The following RNF183 variants were observed in gnomAD, a reference collection of about 807,000 sequenced individuals.
RNF183 encodes ring finger protein 183, also known as E3 ubiquitin-protein ligase RNF183.
RNF183 carries 4 observed loss-of-function variants against 9.0 expected under a neutral mutation model. The ratio of observed to expected loss-of-function variants is 0.44; its 90% CI spans 0.22 to 1.01. The LOEUF (loss-of-function observed/expected upper bound fraction) is 1.01, where lower values mean the gene tolerates loss of function less well. RNF183 is among the 50% of genes least tolerant of loss of function. The pLI, the probability that RNF183 is intolerant of heterozygous loss-of-function variation, is 0.25. For synonymous variants in RNF183, 102 were observed against 107.5 expected (o/e 0.95, Z 0.32); for missense variants, 227 against 253.6 (o/e 0.89, Z 0.71).
Position 113,297,605 on chromosome 9 carries a change from C to T in RNF183, c.*1G>A, listed in dbSNP as rs1163203780. The stretch of plus-strand genomic sequence containing the variant: ...TTTGGTTTCTTGTCTGGGAACAGCA[C>T]TCACCCCACACCCCAAAGGAACTGC... On this transcript the variant is annotated 3_prime_UTR_variant, in exon 5 of 5. Transcript: ENST00000489339. 3 of 1,580,844 alleles carry T rather than the reference C, an allele frequency of 1.9e-6. No homozygotes were observed. Among genetic ancestry groups the T allele is most frequent in the South Asian group, 2.3e-5 (2 of 86,018 alleles).
rs964085277 is a variant in RNF183 at position 113,297,506 on chromosome 9, TAAAC to T, written c.*96_*99del. 46 of 759,900 alleles carry T rather than the reference TAAAC, an allele frequency of 6.1e-5. 1 individual carries two copies. In the African/African-American group the frequency reaches 7.6e-4, roughly 13 times the overall value. The allele number at this position is 759,900 out of a possible 1,614,324, so 47.1% of individuals were successfully genotyped here. ...CCTGAACAATCCCTGGATTGTAAAA[TAAAC>T]AACACTACAAAGGAAGACAATACCA... On this transcript the variant is annotated 3_prime_UTR_variant, in exon 5 of 5. Transcript: ENST00000489339.
Position 113,297,301 on chromosome 9 carries a change from C to T in RNF183, c.*305G>A, listed in dbSNP as rs1179111098. On this transcript the variant is annotated 3_prime_UTR_variant, in exon 5 of 5. Coordinates refer to ENST00000489339, the MANE Select transcript of RNF183 (RefSeq NM_001371237.1). ...ACTTGCTATTTGGGCTAGTCAGGTT[C>T]CTGGATACCACTGTGCAGCCCTTTG... 2.0e-5 allele frequency: 4 copies of T among 204,758 alleles called. No homozygotes were observed. The highest frequency in any genetic ancestry group is 1.2e-4 in the Admixed American group (2 of 16,790). 12.7% of individuals were successfully genotyped at this position (204,758 alleles called of 1,614,324 possible).
rs41305615 is a variant in RNF183 at position 113,298,821 on chromosome 9, G to A, written c.-37-600C>T. The A allele has an allele frequency of 6.2e-4, 95 of 153,406 alleles. 1 individual carries two copies. Among genetic ancestry groups the A allele is most frequent in the Non-Finnish European group, 1.1e-3 (73 of 68,944 alleles). The allele number at this position is 153,406 out of a possible 1,614,324, so 9.5% of individuals were successfully genotyped here. ...CTGGAAGCCTTGCAGAAGCTTCCCTGCCCCAGTCCCCAGATCAGCCCTTCC... is the reference window on the plus strand; with the variant it reads ...CTGGAAGCCTTGCAGAAGCTTCCCTACCCCAGTCCCCAGATCAGCCCTTCC... On this transcript the variant is annotated intron_variant, in intron 4 of 4. Transcript: ENST00000489339. This position sits in a 1 kb window ranked among gnomAD's most constrained non-coding sequence, Gnocchi z 4.9.
Position 113,297,444 on chromosome 9 carries a change from T to C in RNF183, c.*162A>G, listed in dbSNP as rs761285240. 6 of 524,748 alleles carry C rather than the reference T, an allele frequency of 1.1e-5. No individual in the cohort carries two copies. The highest frequency in any genetic ancestry group is 2.0e-5 in the Non-Finnish European group (6 of 303,084). The allele number at this position is 524,748 out of a possible 1,614,324, so 32.5% of individuals were successfully genotyped here. A position where few individuals can be genotyped will look rare whatever the true frequency, so the allele number is the denominator to read the frequency against. On this transcript the variant is annotated 3_prime_UTR_variant, in exon 5 of 5. Coordinates refer to ENST00000489339, the MANE Select transcript of RNF183 (RefSeq NM_001371237.1). ...GTCCTTCAAGCTTTTCGTTTTTTTG[T>C]TTTTTTTTAAAATTGTTCCCAGAAG...
intron 1 of RNF183, among the ~76,000 whole-genome samples, 199 bp downstream of exon 1, chr9:113,302,857 A>C (rs1346917088): frequency 2.0e-5 from 3 of 152,228 alleles, no homozygotes; most frequent in African/African-American, 7.2e-5. Context: ...CCCATTTTCT[A>C]GATGGGGAAG....
rs759904480 is a variant in RNF183 at position 113,297,916 on chromosome 9, T to C, written c.269A>G (p.His90Arg). 7 of 1,613,500 alleles carry C rather than the reference T, an allele frequency of 4.3e-6. No homozygotes were observed. In the East Asian group the frequency reaches 1.3e-4, roughly 31 times the overall value. ...MLALLRLEPH[H>R]VILEGHQLCL... ...CAGCTGATGGCCTTCCAGGATGACATGGTGGGGCTCCAGGCGGAGCAGGGC... is the reference window on the plus strand; with the variant it reads ...CAGCTGATGGCCTTCCAGGATGACACGGTGGGGCTCCAGGCGGAGCAGGGC... The change falls in exon 5 of 5, where the codon CAT (histidine) becomes CGT (arginine). Residue 90 changes from histidine (H) to arginine (R), a missense_variant. Transcript: ENST00000489339.
At chr9:113,300,865 G>T (rs180985985) in intron 3 of RNF183, among the ~76,000 whole-genome samples, 1 of 152,306 alleles carries the variant, frequency 6.6e-6, no homozygotes, top group East Asian at 1.9e-4. Context: ...AGGACAGGCT[G>T]AGAGGGATAA....
chr9:113,300,569 G>T (rs1832886882), intron 3 of RNF183, among the ~76,000 whole-genome samples: 1 of 152,200 alleles, frequency 6.6e-6, no homozygotes, highest in Admixed American at 6.5e-5. Context: ...GAAGAGCTGA[G>T]ACCAAAGTAT....
Position 113,297,420 on chromosome 9 carries a change from T to TC in RNF183, c.*185dup. On this transcript the variant is annotated 3_prime_UTR_variant, in exon 5 of 5. Transcript: ENST00000489339. ...CCGGAGGTCGCTCCACATCTCCCAGTCCTTCAAGCTTTTCGTTTTTTTGTT... is the reference window on the plus strand; with the variant it reads ...CCGGAGGTCGCTCCACATCTCCCAGTCCCTTCAAGCTTTTCGTTTTTTTGTT... 2.1e-6 allele frequency: 1 copy of TC among 483,346 alleles called. No individual in the cohort carries two copies. The highest frequency in any genetic ancestry group is 3.7e-6 in the Non-Finnish European group (1 of 269,828). 29.9% of individuals were successfully genotyped at this position (483,346 alleles called of 1,614,324 possible).
At position 113,298,030 on chromosome 9, in the gene RNF183, C is replaced by T. The variant is rs746654594; in HGVS notation, c.155G>A (p.Arg52His). The T allele has an allele frequency of 2.0e-5, 33 of 1,613,830 alleles. No homozygotes were observed. The highest frequency in any genetic ancestry group is 2.5e-5 in the Non-Finnish European group (30 of 1,180,030). Residue 52 changes from arginine to histidine, a missense_variant, in exon 5 of 5, where the codon CGC (arginine) becomes CAC (histidine). By Grantham distance (29) the Arg-to-His change is conservative. Transcript: ENST00000489339. This position sits in a 1 kb window ranked among gnomAD's most constrained non-coding sequence, Gnocchi z 4.9. ...GCGACAGAGTGGGCACAGCAGGCGG[C>T]GCCGGGCTGGAGTCACAAGGCTGAG... is the stretch of plus-strand genomic sequence containing the variant. ...AHLSLVTPAR[R>H]RLLCPLCRQP...
rs1832745810 is a variant in RNF183, at chr9:113,297,213, A to G, written c.*393T>C. The G allele has an allele frequency of 6.6e-6, 1 of 152,298 alleles. No homozygotes were observed. Among genetic ancestry groups the G allele is most frequent in the African/African-American group, 2.4e-5 (1 of 40,838 alleles). 9.4% of individuals were successfully genotyped at this position (152,298 alleles called of 1,614,324 possible). ...ATTTTTTTTTTTTTTTTAGCAACCC[A>G]TAGTAAAAGAGCAACTCAAAAAAAT... On this transcript the variant is annotated 3_prime_UTR_variant, in exon 5 of 5. Coordinates refer to ENST00000489339, the MANE Select transcript of RNF183 (RefSeq NM_001371237.1).
rs762317257 is a variant in RNF183, at chr9:113,298,951, G to A, written c.-38+621C>T. On this transcript the variant is annotated intron_variant, in intron 4 of 4. Transcript: ENST00000489339. This position sits in a 1 kb window ranked among gnomAD's most constrained non-coding sequence, Gnocchi z 4.9. ...TCCCTTTGTCCTGGGAAACCTTCAG[G>A]GCACGCACCTGGGCTTCTGTGGGCT... The A allele has an allele frequency of 1.3e-5, 2 of 152,720 alleles. No homozygotes were observed. The highest frequency in any genetic ancestry group is 2.9e-5 in the Non-Finnish European group (2 of 68,512). The allele number at this position is 152,720 out of a possible 1,614,324, so 9.5% of individuals were successfully genotyped here.
At position 113,298,213 on chromosome 9, in the gene RNF183, G is replaced by A. The variant is rs758881264; in HGVS notation, c.-29C>T. On this transcript the variant is annotated 5_prime_UTR_variant, in exon 5 of 5. Transcript: ENST00000489339. The surrounding 1 kb of genome is among the most constrained non-coding windows in gnomAD (Gnocchi z 4.9). ...CAGCCACACACGGGGAGGCTTCGCGGGAGACGTCCTGGCAGAAGGGGGAAA... is the reference window on the plus strand; with the variant it reads ...CAGCCACACACGGGGAGGCTTCGCGAGAGACGTCCTGGCAGAAGGGGGAAA... 1 of 1,567,426 alleles carries A rather than the reference G, an allele frequency of 6.4e-7. No homozygotes were observed. The highest frequency in any genetic ancestry group is 2.2e-5 in the East Asian group (1 of 44,570).
In RNF183 at chr9:113,297,866, G is replaced by A. The variant is rs567410524; in HGVS notation, c.319C>T (p.Arg107Cys). The A allele has an allele frequency of 1.7e-5, 27 of 1,604,714 alleles. No individual in the cohort carries two copies. The highest frequency in any genetic ancestry group is 9.0e-5 in the East Asian group (4 of 44,354). ...QLCLKDQPKS[R>C]YFLRQPQVYT... ...ACTTGAGGCTGGCGCAGGAAGTAGC[G>A]GCTCTTGGGCTGGTCCTTGAGGCAC... The change falls in exon 5 of 5, where the codon CGC (arginine) becomes TGC (cysteine). Residue 107 changes from arginine to cysteine, a missense_variant. By Grantham distance (180) the Arg-to-Cys change is radical. Coordinates refer to ENST00000489339, the MANE Select transcript of RNF183 (RefSeq NM_001371237.1).
rs753813443 is a variant in RNF183 at position 113,298,007 on chromosome 9, G to A, written c.178C>T (p.Arg60Cys). ...CCTGAGGCCAGCACTGTGGGCTGGC[G>A]ACAGAGTGGGCACAGCAGGCGGCGC... The part of the protein sequence containing the change: ...ARRRLLCPLC[R>C]QPTVLASGQP... The change falls in exon 5 of 5, where the codon CGC becomes TGC. Residue 60 changes from arginine to cysteine, a missense_variant. Arg to Cys is a radical substitution (Grantham distance 180). Transcript: ENST00000489339. The surrounding 1 kb of genome is among the most constrained non-coding windows in gnomAD (Gnocchi z 4.9). 9.3e-6 allele frequency: 15 copies of A among 1,613,894 alleles called. No homozygotes were observed. The highest frequency in any genetic ancestry group is 1.3e-5 in the African/African-American group (1 of 74,906).
Position 113,303,076 on chromosome 9 carries a change from C to T in RNF183, c.-461G>A, listed in dbSNP as rs3750531. On this transcript the variant is annotated 5_prime_UTR_variant, in exon 1 of 5. Transcript: ENST00000489339. ...CTTACCTGCTCCCTCGGAGCCGCCT[C>T]CTCCGCCTCCGTTCGTGCAGCCCTG... is the stretch of plus-strand genomic sequence containing the variant. 7.1e-3 allele frequency: 1,089 copies of T among 152,834 alleles called. 90 individuals carry two copies. The East Asian group carries it at 0.19, about 26-fold the overall frequency. 9.5% of individuals were successfully genotyped at this position (152,834 alleles called of 1,614,324 possible).
In RNF183 at chr9:113,298,312, G is replaced by C; in HGVS notation, c.-37-91C>G. The C allele has an allele frequency of 1.3e-6, 1 of 757,396 alleles. No individual in the cohort carries two copies. The highest frequency in any genetic ancestry group is 1.7e-5 in the African/African-American group (1 of 57,342). The allele number at this position is 757,396 out of a possible 1,614,324, so 46.9% of individuals were successfully genotyped here. ...CAAAGTGTTCTGTGGGTGTTGAAAG[G>C]TGTAATCACCACGTTTTACTTAGGT... On this transcript the variant is annotated intron_variant, in intron 4 of 4. Transcript: ENST00000489339. The surrounding 1 kb of genome is among the most constrained non-coding windows in gnomAD (Gnocchi z 4.9).
In RNF183 at chr9:113,298,044, C is replaced by A; in HGVS notation, c.141G>T (p.Val47=). ...ACAGCAGGCGGCGCCGGGCTGGAGTCACAAGGCTGAGGTGGGCCAGACATT... is the reference window on the plus strand; with the variant it reads ...ACAGCAGGCGGCGCCGGGCTGGAGTAACAAGGCTGAGGTGGGCCAGACATT... The part of the protein sequence containing the change: ...CVECLAHLSL[V]TPARRRLLCP... Residue 47 remains valine (V), a synonymous_variant, in exon 5 of 5, where the codon GTG becomes GTT. Coordinates refer to ENST00000489339, the MANE Select transcript of RNF183 (RefSeq NM_001371237.1). The surrounding 1 kb of genome is among the most constrained non-coding windows in gnomAD (Gnocchi z 4.9). The A allele has an allele frequency of 6.2e-7, 1 of 1,614,018 alleles. No homozygotes were observed. Among genetic ancestry groups the A allele is most frequent in the Non-Finnish European group, 8.5e-7 (1 of 1,180,016 alleles).
rs1832809033 is a variant in RNF183, at chr9:113,298,431, G to A, written c.-37-210C>T. ...CCCCTCTGTCAAGGTGAAGGCCTGG[G>A]CCACCCCTACCAAGAGCCCCCAAGA... On this transcript the variant is annotated intron_variant, in intron 4 of 4. Coordinates refer to ENST00000489339, the MANE Select transcript of RNF183 (RefSeq NM_001371237.1). This position sits in a 1 kb window ranked among gnomAD's most constrained non-coding sequence, Gnocchi z 4.9. 1.8e-6 allele frequency: 1 copy of A among 542,598 alleles called. No homozygotes were observed. Among genetic ancestry groups the A allele is most frequent in the South Asian group, 2.3e-5 (1 of 43,362 alleles). 33.6% of individuals were successfully genotyped at this position (542,598 alleles called of 1,614,324 possible). A position where few individuals can be genotyped will look rare whatever the true frequency, so the allele number is the denominator to read the frequency against.
Sources: allele counts gnomAD v4.1 joint callset (sites outside exome capture counted in the v4.1 genomes callset), GRCh38; gene constraint gnomAD v4.1.1; non-coding constraint Gnocchi (gnomAD v3.1); transcripts MANE v1.5; gene names NCBI Gene and HGNC (gene_info 2026-07-23, HGNC 2026-07-21).